Variants in NBPF9 observed in about 807,000 individuals in gnomAD.
NBPF9 encodes NBPF member 9.
Under a neutral mutation model 97.8 loss-of-function variants are expected in NBPF9, and 91 were observed. The ratio of observed to expected loss-of-function variants is 0.93; its 90% CI spans 0.79 to 1.11. NBPF9 has a LOEUF of 1.11. NBPF9 is among the 50% of genes least tolerant of loss of function. The pLI, the probability that NBPF9 is intolerant of heterozygous loss-of-function variation, is 0.00. For synonymous variants in NBPF9, 334 were observed against 359.5 expected (o/e 0.93, Z 0.80); for missense variants, 992 against 939.5 (o/e 1.06, Z -0.73).
intron 17 of NBPF9, among the ~76,000 whole-genome samples, chr1:149,068,251 G>A (rs1275585994): frequency 3.3e-5 from 5 of 149,422 alleles, no homozygotes; most frequent in African/African-American, 1.3e-4. Flanking sequence ...ACATCATAAC[G>A]ACAGGATCAA....
At position 149,074,705 on chromosome 1, in the gene NBPF9, G is replaced by A. The variant is rs148104744; in HGVS notation, c.989-835C>T. 3.1e-3 allele frequency among the ~76,000 whole-genome samples: 471 copies of A among 151,526 alleles called. 9 individuals carry two copies. The highest frequency in any genetic ancestry group is 0.011 in the African/African-American group (460 of 41,458). ...CTGCTATCTCCACACATTCTCGGGT[G>A]CGAACTTTCTTCCTCTTTAGCAACA... On this transcript the variant is annotated intron_variant, in intron 12 of 29. Transcript: ENST00000584027.
Position 149,098,577 on chromosome 1 carries a change from A to T in NBPF9, c.-476T>A. On this transcript the variant is annotated 5_prime_UTR_variant, in exon 4 of 30. An upstream start codon of the reference 5' UTR is lost. Coordinates refer to ENST00000584027, the Ensembl canonical transcript of NBPF9. ...AGTGGGAATTGGTGGCACCCCCAGC[A>T]TGGAGGCCAAGAACACACAGCACTG... 7.0e-7 allele frequency: 1 copy of T among 1,437,370 alleles called. No homozygotes were observed. The highest frequency in any genetic ancestry group is 9.2e-7 in the Non-Finnish European group (1 of 1,086,200). The allele number at this position is 1,437,370 out of a possible 1,614,324, so 89.0% of individuals were successfully genotyped here. A position where few individuals can be genotyped will look rare whatever the true frequency, so the allele number is the denominator to read the frequency against.
chr1:149,062,426 G>T (rs1486835429), intron 21 of NBPF9, among the ~76,000 whole-genome samples, 161 bp from the exon 22 acceptor site: 3 of 143,294 alleles, frequency 2.1e-5, no homozygotes, highest in East Asian at 1.9e-4. Flanking sequence ...ATAGACCAGG[G>T]TCAGGTGGAA....
chr1:149,072,583 T>A (rs1314527712), intron 14 of NBPF9, 135 bp downstream of exon 14: 2 of 1,438,012 alleles, frequency 1.4e-6, no homozygotes, highest in Admixed American at 1.9e-5. Context: ...ACCCAAGAAG[T>A]CCTTGTCATG....
At chr1:149,074,873 A>G (rs1203221673) in intron 12 of NBPF9, among the ~76,000 whole-genome samples, 1 of 151,066 alleles carries the variant, frequency 6.6e-6, no homozygotes, top group Non-Finnish European at 1.5e-5. Flanking sequence ...GTGCAATGGC[A>G]AAACCTTGGC....
chr1:149,084,306 C>T (rs782344076), intron 5 of NBPF9, among the ~76,000 whole-genome samples: 19 of 144,520 alleles, frequency 1.3e-4, no homozygotes, highest in South Asian at 4.3e-4. Flanking sequence ...CATGTATACA[C>T]GTATATATAA....
At chr1:149,100,680 T>A (rs1284636193) in intron 3 of NBPF9, among the ~76,000 whole-genome samples, 1 of 152,222 alleles carries the variant, frequency 6.6e-6, no homozygotes, top group African/African-American at 2.4e-5. Flanking sequence ...ATGCCTGTAA[T>A]CCCCACACTC....
chr1:149,097,078 GAGGAAGGA>G (rs1177238888), intron 4 of NBPF9, among the ~76,000 whole-genome samples: 24,269 of 146,282 alleles, frequency 0.17, 2,021 homozygotes, highest in Admixed American at 0.22. Flanking sequence ...AGGAGGAAGG[GAGGAAGGA>G]AGGAAGGAAG....
intron 4 of NBPF9, among the ~76,000 whole-genome samples, chr1:149,097,505 T>A (rs1261389929): frequency 6.6e-6 from 1 of 152,180 alleles, no homozygotes; most frequent in Non-Finnish European, 1.5e-5. Context: ...CCTTGTCCAC[T>A]CCAGAAGCTG....
rs1157992196 is a variant in NBPF9, at chr1:149,082,957, CTTTTTTTTTTTT to C, written c.-194-539_-194-528del. ...ACCACGCCTGGCTAATTTTTCTTTT[CTTTTTTTTTTTT>C]TTTTTTTTTTTTTGTATTTTTAGTA... On this transcript the variant is annotated intron_variant, in intron 5 of 29. Transcript: ENST00000584027. Among the ~76,000 whole-genome samples the C allele has an allele frequency of 1.7e-4, 11 of 66,458 alleles. No homozygotes were observed. In the South Asian group the frequency reaches 2.8e-3, roughly 17 times the overall value. 43.6% of individuals were successfully genotyped at this position (66,458 alleles called of 152,430 possible). A position where few individuals can be genotyped will look rare whatever the true frequency, so the allele number is the denominator to read the frequency against.
chr1:149,084,907 C>T (rs1389315816), intron 5 of NBPF9, among the ~76,000 whole-genome samples: 2 of 151,330 alleles, frequency 1.3e-5, no homozygotes, highest in Non-Finnish European at 2.9e-5. Flanking sequence ...TCATTGTCAC[C>T]ATGACTGCCA....
intron 21 of NBPF9, among the ~76,000 whole-genome samples, 160 bp downstream of exon 21, chr1:149,062,702 G>A (rs1442552548): frequency 1.3e-5 from 2 of 151,590 alleles, no homozygotes; most frequent in Admixed American, 1.3e-4. Flanking sequence ...GGAAGAAATG[G>A]AAACCTAAAC....
intron 14 of NBPF9, among the ~76,000 whole-genome samples, chr1:149,071,991 C>G (rs1351506460): frequency 1.4e-5 from 2 of 147,674 alleles, no homozygotes; most frequent in African/African-American, 2.5e-5. Flanking sequence ...GATCTGATTC[C>G]CAGGCACAGG....
At chr1:149,072,622 A>G (rs1553653200) in intron 14 of NBPF9, 96 bp downstream of exon 14, 6 of 1,486,690 alleles carry the variant, frequency 4.0e-6, no homozygotes, top group Non-Finnish European at 1.9e-6. Context: ...AGTGGAAAAA[A>G]ACACCATTGA....
intron 13 of NBPF9, 30 bp from the exon 14 acceptor site, chr1:149,072,962 A>C (rs782485528): frequency 1.2e-6 from 2 of 1,601,522 alleles, no homozygotes; most frequent in South Asian, 1.1e-5. Context: ...AAAAATTAAG[A>C]GTGGAAAGGG....
intron 4 of NBPF9, among the ~76,000 whole-genome samples, chr1:149,097,325 A>G (rs1399548728): frequency 6.6e-6 from 1 of 152,196 alleles, no homozygotes; most frequent in Non-Finnish European, 1.5e-5. Flanking sequence ...GTAAAACTAT[A>G]TACTGTTTCC....
chr1:149,072,283 C>A (rs587675394), intron 14 of NBPF9, among the ~76,000 whole-genome samples: 8 of 151,744 alleles, frequency 5.3e-5, no homozygotes, highest in African/African-American at 1.5e-4. Context: ...TGCTTCAGAC[C>A]CTTGCAAGAG....
At chr1:149,080,465 C>G (rs1428323563) in intron 7 of NBPF9, among the ~76,000 whole-genome samples, 1 of 150,662 alleles carries the variant, frequency 6.6e-6, no homozygotes, top group Non-Finnish European at 1.5e-5. Flanking sequence ...GCCACTTTCC[C>G]AAGCCTTGCA....
chr1:149,065,005 G>A (rs587599903), intron 18 of NBPF9: 87 of 549,166 alleles, frequency 1.6e-4, no homozygotes, highest in African/African-American at 1.4e-3. Flanking sequence ...GGAACATGAC[G>A]GACAGATGAG....
Sources: allele counts gnomAD v4.1 joint callset (sites outside exome capture counted in the v4.1 genomes callset), GRCh38; gene constraint gnomAD v4.1.1; transcripts MANE v1.5; gene names NCBI Gene and HGNC (gene_info 2026-07-23, HGNC 2026-07-21).